Variants in ZNF577 observed in about 807,000 individuals in gnomAD.
ZNF577 encodes the protein zinc finger protein 577.
A neutral mutation model predicts 13.9 loss-of-function variants in ZNF577; 14 were observed. That is an observed-to-expected ratio of 1.00 (90% CI 0.66 to 1.57). ZNF577 has a LOEUF of 1.57. Among genes scored for constraint, ZNF577 ranks in the 40% most tolerant of loss-of-function variants. The pLI is 0.00. For missense variants in ZNF577, 555 were observed against 579.2 expected, an observed-to-expected ratio of 0.96 and a Z score of 0.43; for synonymous variants, 203 against 202.9, an observed-to-expected ratio of 1.00 and a Z score of 0.00.
At chr19:51,834,006 A>G (rs2159655) in intron 9 of ZNF577, among the ~76,000 whole-genome samples, 64,262 of 151,854 alleles carry the variant, frequency 0.42, 13,745 homozygotes, top group South Asian at 0.58. Context: ...TCATTTCTCT[A>G]TGTGGTGAAG....
In ZNF577 at chr19:51,886,954, T is replaced by G. The variant is rs1232895946; in HGVS notation, c.-352A>C. 1 of 152,158 alleles carries G rather than the reference T, an allele frequency of 6.6e-6. No individual in the cohort carries two copies. Among genetic ancestry groups the G allele is most frequent in the Non-Finnish European group, 1.5e-5 (1 of 68,032 alleles). The allele number at this position is 152,158 out of a possible 1,614,324, so 9.4% of individuals were successfully genotyped here. On this transcript the variant is annotated 5_prime_UTR_variant, in exon 1 of 6. It removes an upstream start codon present in the reference 5' UTR. Transcript: ENST00000638348. ...AATTTATAAGTTATATGTAATGACA[T>G]GAGTACAATGAAGTGACAGAATAAA...
chr19:51,876,574 A>C (rs1445280232), intron 5 of ZNF577, among the ~76,000 whole-genome samples: 6 of 152,060 alleles, frequency 3.9e-5, no homozygotes, highest in African/African-American at 1.2e-4. Context: ...TTTTCAGTGA[A>C]GGAAATCAGG....
intron 9 of ZNF577, among the ~76,000 whole-genome samples, chr19:51,831,525 C>T (rs2084261132): frequency 6.6e-6 from 1 of 151,802 alleles, no homozygotes; most frequent in Non-Finnish European, 1.5e-5. Flanking sequence ...GACTTCAAAC[C>T]ATCATCATCC....
chr19:51,811,091 T>C (rs942626905), intron 10 of ZNF577, among the ~76,000 whole-genome samples: 20 of 149,056 alleles, frequency 1.3e-4, no homozygotes, highest in Non-Finnish European at 2.7e-4. Flanking sequence ...GATTTTTAGA[T>C]TCAGCCTGTT....
At chr19:51,815,447 C>A (rs966341323) in intron 9 of ZNF577, among the ~76,000 whole-genome samples, 1 of 152,024 alleles carries the variant, frequency 6.6e-6, no homozygotes, top group Non-Finnish European at 1.5e-5. Flanking sequence ...GTAGCCCCAG[C>A]TACTCAGGAG....
chr19:51,861,269 C>CA (rs397964485), intron 5 of ZNF577: 6 of 113,780 alleles, frequency 5.3e-5, no homozygotes, highest in Non-Finnish European at 8.4e-5. Flanking sequence ...CAGGTGTGCA[C>CA]ACCACACCTG....
intron 8 of ZNF577, among the ~76,000 whole-genome samples, chr19:51,841,343 T>C (rs1174422678): frequency 6.6e-6 from 1 of 152,178 alleles, no homozygotes; most frequent in Non-Finnish European, 1.5e-5. Context: ...CACCACTCCA[T>C]GTCTTTCTTT....
At chr19:51,814,900 C>G (rs1321496941) in intron 9 of ZNF577, among the ~76,000 whole-genome samples, 1 of 151,834 alleles carries the variant, frequency 6.6e-6, no homozygotes, top group Non-Finnish European at 1.5e-5. Flanking sequence ...ACCTCCACCT[C>G]CTGGGTTCAA....
At position 51,824,389 on chromosome 19, in the gene ZNF577, T is replaced by C. The variant is rs374062397; in HGVS notation, c.*600-12715A>G. ...TTCATTATTGGCTTCAGCGTGCCTATGTCCATCATCACAGTCTGCTATGGG... is the reference window on the plus strand; with the variant it reads ...TTCATTATTGGCTTCAGCGTGCCTACGTCCATCATCACAGTCTGCTATGGG... On this transcript the variant is annotated intron_variant and NMD_transcript_variant, in intron 9 of 10. Coordinates refer to the ZNF577 transcript ENST00000638827. This position sits in a 1 kb window ranked among gnomAD's most constrained non-coding sequence, Gnocchi z 4.7. 109 of 1,614,164 alleles carry C rather than the reference T, an allele frequency of 6.8e-5. No individual in the cohort carries two copies. Among genetic ancestry groups the C allele is most frequent in the Non-Finnish European group, 9.1e-5 (107 of 1,180,024 alleles).
rs558100137 is a variant in ZNF577 at position 51,824,332 on chromosome 19, T to C, written c.*600-12658A>G. On this transcript the variant is annotated intron_variant and NMD_transcript_variant, in intron 9 of 10. Transcript: ENST00000638827. The surrounding 1 kb of genome is among the most constrained non-coding windows in gnomAD (Gnocchi z 4.7). Reference sequence around the variant, plus strand: ...GCTGTAGAGAGGTTGAACGTGTTCATTACCATGGCCAAGGTCTTTCTGATC... The same window carrying C: ...GCTGTAGAGAGGTTGAACGTGTTCACTACCATGGCCAAGGTCTTTCTGATC... 3.1e-6 allele frequency: 5 copies of C among 1,614,190 alleles called. No homozygotes were observed. The highest frequency in any genetic ancestry group is 2.2e-5 in the East Asian group (1 of 44,878).
intron 5 of ZNF577, among the ~76,000 whole-genome samples, chr19:51,846,481 G>A (rs1956397493): frequency 6.6e-6 from 1 of 152,084 alleles, no homozygotes; most frequent in South Asian, 2.1e-4. Flanking sequence ...GCCGAGGCCG[G>A]TGGATCACTT....
At position 51,887,575 on chromosome 19, in the gene ZNF577, C is replaced by T. The variant is rs958572942; in HGVS notation, c.-973G>A. On this transcript the variant is annotated 5_prime_UTR_variant, in exon 1 of 6. Transcript: ENST00000638348. ...ATGAACACGAACTGCCCAGAGCAGT[C>T]TCCAACACTGACACGATTCGCTTCC... 2.0e-5 allele frequency: 3 copies of T among 152,056 alleles called. No individual in the cohort carries two copies. The highest frequency in any genetic ancestry group is 4.8e-5 in the African/African-American group (2 of 41,372). The allele number at this position is 152,056 out of a possible 1,614,324, so 9.4% of individuals were successfully genotyped here.
chr19:51,882,012 C>T lies in ZNF577; in HGVS notation c.-218-1135G>A, dbSNP rs184044045. ...AGCCATTTTCTGACCCACTGGTAAA[C>T]GCACTGGTCAAGATGCAAACCTCCT... On this transcript the variant is annotated intron_variant, in intron 1 of 5. Coordinates refer to ENST00000638348, the MANE Select transcript of ZNF577 (RefSeq NM_001370449.1). 4.6e-5 allele frequency among the ~76,000 whole-genome samples: 7 copies of T among 152,298 alleles called. No individual in the cohort carries two copies. In the East Asian group the frequency reaches 7.7e-4, roughly 17 times the overall value.
intron 1 of ZNF577, chr19:51,886,125 G>A (rs1339328628): frequency 1.3e-5 from 2 of 152,036 alleles, no homozygotes; most frequent in African/African-American, 4.8e-5. Flanking sequence ...CCTTTGGAGA[G>A]GAGAGAGAAG....
chr19:51,864,967 G>A (rs573915820), downstream of ZNF577, among the ~76,000 whole-genome samples: 1 of 152,326 alleles, frequency 6.6e-6, no homozygotes, highest in Admixed American at 6.5e-5. Context: ...TTAAGTCTTA[G>A]GAACCAACAT....
At chr19:51,837,976 T>C (rs2084297179) in intron 9 of ZNF577, among the ~76,000 whole-genome samples, 1 of 152,122 alleles carries the variant, frequency 6.6e-6, no homozygotes, top group African/African-American at 2.4e-5. Context: ...GCCAGCTTCT[T>C]CCCCCATCTT....
At chr19:51,877,499 G>A in intron 4 of ZNF577, 122 bp from the exon 5 acceptor site, 6 of 754,806 alleles carry the variant, frequency 7.9e-6, no homozygotes, top group African/African-American at 1.7e-5. Context: ...CTTTCACTCA[G>A]GAAAAGAGCA....
At chr19:51,841,121 C>T (rs538642855) in intron 8 of ZNF577, among the ~76,000 whole-genome samples, 1 of 152,308 alleles carries the variant, frequency 6.6e-6, no homozygotes, top group East Asian at 1.9e-4. Context: ...CTGTGAGAAA[C>T]ATCCTGCCTC....
Position 51,873,331 on chromosome 19 carries a change from C to T in ZNF577, c.659G>A (p.Gly220Glu). The change falls in exon 6 of 6, where the codon GGA (glycine) becomes GAA (glutamate). Residue 220 changes from glycine (G) to glutamate (E), a missense_variant. By Grantham distance (98) the Gly-to-Glu change is moderately conservative. Transcript: ENST00000638348. ...CTGTGACTTTCTGGAGAAGGCTTTT[C>T]CACATTCACTACATTCATGGGGCTT... ...GEKPHECSEC[G>E]KAFSRKSQLM... 6 of 1,614,204 alleles carry T rather than the reference C, an allele frequency of 3.7e-6. No individual in the cohort carries two copies. Among genetic ancestry groups the T allele is most frequent in the Non-Finnish European group, 5.1e-6 (6 of 1,180,036 alleles).
Sources: gnomAD v4.1 joint callset for allele counts (sites outside exome capture counted in the v4.1 genomes callset) on GRCh38, gnomAD v4.1.1 for gene constraint, Gnocchi (gnomAD v3.1) non-coding constraint, MANE v1.5 for transcripts, NCBI Gene and HGNC (gene_info 2026-07-23, HGNC 2026-07-21) for gene names.